NAT1: variants seen among roughly 807,000 people sequenced by gnomAD.
The protein encoded by NAT1 is N-acetyltransferase 1, also known as arylamine N-acetyltransferase 1.
For synonymous variants in NAT1, 144 were observed against 122.6 expected, an observed-to-expected ratio of 1.17 and a Z score of -1.16; for missense variants, 400 against 339.2, an observed-to-expected ratio of 1.18 and a Z score of -1.41.
At position 18,223,026 on chromosome 8, in the gene NAT1, C is replaced by A. The variant is rs1250953935; in HGVS notation, c.*106C>A. On this transcript the variant is annotated 3_prime_UTR_variant, in exon 3 of 3. Transcript: ENST00000307719. ...CCCTTACCTTATTTTGAAGAAAATC[C>A]TAGACATCAAATCATTTCACCTATA... 5.9e-6 allele frequency: 5 copies of A among 853,018 alleles called. No individual in the cohort carries two copies. Among genetic ancestry groups the A allele is most frequent in the African/African-American group, 1.8e-5 (1 of 56,450 alleles). 52.8% of individuals were successfully genotyped at this position (853,018 alleles called of 1,614,324 possible).
In NAT1 at chr8:18,223,666, T is replaced by A. The variant is rs1410308148; in HGVS notation, c.*746T>A. The A allele has an allele frequency of 6.0e-6, 1 of 165,336 alleles. No individual in the cohort carries two copies. The highest frequency in any genetic ancestry group is 1.5e-5 in the Non-Finnish European group (1 of 68,108). 10.2% of individuals were successfully genotyped at this position (165,336 alleles called of 1,614,324 possible). On this transcript the variant is annotated 3_prime_UTR_variant, in exon 3 of 3. Transcript: ENST00000307719. ...AAAGTCATTATTTAATAAAAGTTAT[T>A]GTTCCATCTTGCTTGCCCCCCCACC...
chr8:18,219,131 G>A (rs751944190), intron 1 of NAT1, among the ~76,000 whole-genome samples: 22 of 152,256 alleles, frequency 1.4e-4, no homozygotes, highest in Non-Finnish European at 2.5e-4. Context: ...TCATCAGCTG[G>A]TGGGTTGCCT....
rs3038965 is a variant in NAT1 at position 18,173,146 on chromosome 8, G to GCACACACACA, written n.92+2430_92+2439dup. Among the ~76,000 whole-genome samples the GCACACACACA allele has an allele frequency of 7.0e-3, 1,032 of 146,620 alleles. 8 individuals carry two copies. The highest frequency in any genetic ancestry group is 0.01 in the African/African-American group (414 of 40,426). On this transcript the variant is annotated intron_variant and non_coding_transcript_variant, in intron 2 of 4. Transcript: ENST00000517441. The stretch of plus-strand genomic sequence containing the variant: ...TTAGAGCACACGTGCACACAGAGAT[G>GCACACACACA]CACACACACACACACACACACACAC...
chr8:18,217,445 G>A (rs1477421051), intron 1 of NAT1, among the ~76,000 whole-genome samples: 1 of 152,248 alleles, frequency 6.6e-6, no homozygotes, highest in Non-Finnish European at 1.5e-5. Context: ...AAGATGCTGT[G>A]CCTGGACAAA....
At chr8:18,201,911 G>A (rs1171477854) in intron 2 of NAT1, among the ~76,000 whole-genome samples, 1 of 152,214 alleles carries the variant, frequency 6.6e-6, no homozygotes, top group Admixed American at 6.5e-5. Context: ...CCACCTTGAA[G>A]TCAGTAATCT....
intron 2 of NAT1, among the ~76,000 whole-genome samples, chr8:18,195,921 T>TA (rs35647512): frequency 0.013 from 1,919 of 145,140 alleles, 17 homozygotes; most frequent in Middle Eastern, 0.082. Flanking sequence ...GATGTTAGAT[T>TA]AAAAAAAAAA....
At chr8:18,191,244 T>C (rs1365985868) in intron 2 of NAT1, among the ~76,000 whole-genome samples, 3 of 152,204 alleles carry the variant, frequency 2.0e-5, no homozygotes, top group Non-Finnish European at 1.5e-5. Context: ...GCTGACTGAA[T>C]TGAATATGTC....
At chr8:18,216,187 C>T (rs1275037367) in intron 1 of NAT1, among the ~76,000 whole-genome samples, 1 of 152,102 alleles carries the variant, frequency 6.6e-6, no homozygotes, top group East Asian at 1.9e-4. Context: ...CAGTTGGTTA[C>T]CCTGACTTTC....
upstream of NAT1, among the ~76,000 whole-genome samples, chr8:18,207,231 T>A (rs143649981): frequency 6.6e-6 from 1 of 152,342 alleles, no homozygotes; most frequent in East Asian, 1.9e-4. Context: ...CATTGGTCTA[T>A]GTGTCCGTTT....
intron 2 of NAT1, among the ~76,000 whole-genome samples, chr8:18,172,291 G>A (rs1456450009): frequency 6.6e-6 from 1 of 152,146 alleles, no homozygotes; most frequent in South Asian, 2.1e-4. Flanking sequence ...TAAGACTGTT[G>A]ACATTTAACT....
intron 2 of NAT1, among the ~76,000 whole-genome samples, chr8:18,202,339 C>T (rs1803498456): frequency 6.6e-6 from 1 of 152,174 alleles, no homozygotes; most frequent in South Asian, 2.1e-4. Context: ...ACTGAACGGG[C>T]AATCAAGAGA....
intron 2 of NAT1, among the ~76,000 whole-genome samples, chr8:18,182,863 C>T (rs11990882): frequency 0.022 from 3,292 of 152,186 alleles, 118 homozygotes; most frequent in African/African-American, 0.074. Flanking sequence ...TCTATCTAAT[C>T]TTCATTTATT....
intron 2 of NAT1, among the ~76,000 whole-genome samples, chr8:18,203,270 T>C (rs1032206554): frequency 8.5e-5 from 13 of 152,200 alleles, no homozygotes; most frequent in Admixed American, 5.9e-4. Context: ...GTCAGGAAAA[T>C]AGAAATGACC....
At chr8:18,171,451 G>A (rs1589043028) in intron 2 of NAT1, among the ~76,000 whole-genome samples, 3 of 152,274 alleles carry the variant, frequency 2.0e-5, no homozygotes, top group East Asian at 3.9e-4. Context: ...CATGAAGAAA[G>A]AGGGGTGCAG....
At chr8:18,214,094 T>G (rs1175446378) in intron 1 of NAT1, among the ~76,000 whole-genome samples, 3 of 152,202 alleles carry the variant, frequency 2.0e-5, no homozygotes, top group Non-Finnish European at 2.9e-5. Context: ...ATTACAGGCA[T>G]GAGCAACCGT....
intron 2 of NAT1, among the ~76,000 whole-genome samples, chr8:18,192,934 T>A (rs1234327610): frequency 6.6e-6 from 1 of 151,816 alleles, no homozygotes; most frequent in Non-Finnish European, 1.5e-5. Context: ...GGCACATGTA[T>A]ACATATGTAA....
chr8:18,175,680 TACAGACATCTCTTCAACATACCAACTTC>T, intron 2 of NAT1, among the ~76,000 whole-genome samples: 1 of 152,226 alleles, frequency 6.6e-6, no homozygotes, highest in South Asian at 2.1e-4. Context: ...AACATGGGAG[TACAGACATCTCTTCAACATACCAACTTC>T]AATTCCTTTA....
At chr8:18,182,394 C>T (rs1802556211) in intron 2 of NAT1, among the ~76,000 whole-genome samples, 1 of 151,968 alleles carries the variant, frequency 6.6e-6, no homozygotes, top group Admixed American at 6.6e-5. Context: ...TTCTTATAGC[C>T]CAAGGTCATG....
At chr8:18,188,994 C>CAAAAAAAAAAAAAAAAAAAA (rs55636901) in intron 2 of NAT1, among the ~76,000 whole-genome samples, 1 of 83,120 alleles carries the variant, frequency 1.2e-5, no homozygotes, top group Non-Finnish European at 2.4e-5. Context: ...GACTCCGACT[C>CAAAAAAAAAAAAAAAAAAAA]AAAAAAAAAA....
Sources: gnomAD v4.1 joint callset for allele counts (sites outside exome capture counted in the v4.1 genomes callset) on GRCh38, gnomAD v4.1.1 for gene constraint, MANE v1.5 for transcripts, NCBI Gene and HGNC (gene_info 2026-07-23, HGNC 2026-07-21) for gene names.